The following RNF175 variants were observed in gnomAD, a reference collection of about 807,000 sequenced individuals.
RNF175 encodes the protein ring finger protein 175.
In RNF175, 38 loss-of-function variants were observed where a neutral mutation model predicts 50.0. The observed-to-expected ratio is 0.76, with a 90% CI of 0.59 to 1.00. The LOEUF (loss-of-function observed/expected upper bound fraction) is 1.00. Among genes scored for constraint, RNF175 ranks in the 50% least tolerant of loss-of-function variants. The pLI is 0.00. For synonymous variants in RNF175, 155 were observed against 146.1 expected, an observed-to-expected ratio of 1.06 and a Z score of -0.44; for missense variants, 388 against 409.6, an observed-to-expected ratio of 0.95 and a Z score of 0.46.
chr4:153,742,438 C>A (rs921645591), intron 3 of RNF175, among the ~76,000 whole-genome samples: 22 of 152,120 alleles, frequency 1.4e-4, no homozygotes, highest in African/African-American at 5.3e-4. Flanking sequence ...GAAAAGGATT[C>A]TTTTATTAGC....
chr4:153,728,088 A>G (rs1370476740), intron 4 of RNF175, 119 bp downstream of exon 4: 1 of 603,068 alleles, frequency 1.7e-6, no homozygotes, highest in Admixed American at 4.1e-5. Flanking sequence ...CCAAAGGTAA[A>G]AGACACGTAA....
chr4:153,745,113 T>C (rs1249999786), intron 3 of RNF175, among the ~76,000 whole-genome samples: 1 of 152,172 alleles, frequency 6.6e-6, no homozygotes, highest in Non-Finnish European at 1.5e-5. Flanking sequence ...CCCAGAACCA[T>C]GTAGTGTTAA....
In RNF175 at chr4:153,710,355, T is replaced by TG; in HGVS notation, c.*13dup. 1 of 1,544,856 alleles carries TG rather than the reference T, an allele frequency of 6.5e-7. No individual in the cohort carries two copies. The highest frequency in any genetic ancestry group is 8.8e-7 in the Non-Finnish European group (1 of 1,141,924). The stretch of plus-strand genomic sequence containing the variant: ...TTTCAACCATGCAGTATGTTGCTTC[T>TG]GGGGTCTGCTGTCCTATTCCAGCCC... On this transcript the variant is annotated 3_prime_UTR_variant, in exon 9 of 9. Coordinates refer to ENST00000347063, the MANE Select transcript of RNF175 (RefSeq NM_173662.4).
intron 1 of RNF175, among the ~76,000 whole-genome samples, chr4:153,758,903 G>A (rs909799763): frequency 6.6e-6 from 1 of 152,220 alleles, no homozygotes; most frequent in Admixed American, 6.5e-5. Flanking sequence ...CGGGTTGGAG[G>A]AGAAGGGGGT....
intron 4 of RNF175, chr4:153,727,813 A>T (rs1738793850): frequency 2.0e-5 from 3 of 153,136 alleles, no homozygotes; most frequent in Non-Finnish European, 2.9e-5. Flanking sequence ...GATTTATTAC[A>T]TGTTTTCAGG....
At chr4:153,740,918 C>G (rs1272116968) in intron 3 of RNF175, among the ~76,000 whole-genome samples, 3 of 152,190 alleles carry the variant, frequency 2.0e-5, no homozygotes. Flanking sequence ...TTGTAGGTGT[C>G]AAAGCCTTCA....
chr4:153,712,197 T>A (rs1170652819), intron 8 of RNF175, among the ~76,000 whole-genome samples: 1 of 152,216 alleles, frequency 6.6e-6, no homozygotes, highest in Non-Finnish European at 1.5e-5. Flanking sequence ...ATTTTACCTA[T>A]TTTTTGCAGT....
chr4:153,735,047 C>A (rs1047732179), intron 3 of RNF175, among the ~76,000 whole-genome samples: 4 of 152,092 alleles, frequency 2.6e-5, no homozygotes, highest in Admixed American at 2.6e-4. Context: ...TATATTTTCT[C>A]TCATGGATCA....
chr4:153,755,588 C>T, intron 1 of RNF175, among the ~76,000 whole-genome samples: 1 of 150,616 alleles, frequency 6.6e-6, no homozygotes, highest in Non-Finnish European at 1.5e-5. Flanking sequence ...AAAAAAACCT[C>T]AAAGACATGG....
intron 3 of RNF175, among the ~76,000 whole-genome samples, chr4:153,744,244 A>G (rs996332939): frequency 3.3e-5 from 5 of 152,170 alleles, no homozygotes; most frequent in Non-Finnish European, 5.9e-5. Flanking sequence ...CAACATGGTG[A>G]AACCCCATCT....
At chr4:153,741,190 A>T (rs1390699639) in intron 3 of RNF175, among the ~76,000 whole-genome samples, 1 of 152,214 alleles carries the variant, frequency 6.6e-6, no homozygotes, top group Non-Finnish European at 1.5e-5. Flanking sequence ...TAGGTGACAC[A>T]GGAAGGCTAG....
chr4:153,714,086 GT>G (rs1258590102), intron 7 of RNF175: 7 of 152,138 alleles, frequency 4.6e-5, no homozygotes, highest in Non-Finnish European at 7.3e-5. Flanking sequence ...AAATTTAAAG[GT>G]GACTACATTT....
intron 2 of RNF175, among the ~76,000 whole-genome samples, chr4:153,750,522 A>C (rs773623124): frequency 3.3e-5 from 5 of 152,244 alleles, no homozygotes; most frequent in Non-Finnish European, 5.9e-5. Context: ...CATAGATGGA[A>C]TGAATCTCCC....
intron 3 of RNF175, among the ~76,000 whole-genome samples, chr4:153,734,051 T>C (rs1186694390): frequency 6.6e-6 from 1 of 152,272 alleles, no homozygotes; most frequent in Non-Finnish European, 1.5e-5. Flanking sequence ...TTTCTTTTTA[T>C]TATTGAATAG....
At chr4:153,719,914 AT>A (rs1738224008) in intron 6 of RNF175, among the ~76,000 whole-genome samples, 1 of 152,228 alleles carries the variant, frequency 6.6e-6, no homozygotes, top group East Asian at 1.9e-4. Context: ...AACATAAATA[AT>A]TTGCGTATTT....
intron 3 of RNF175, among the ~76,000 whole-genome samples, chr4:153,742,563 T>C (rs952172443): frequency 6.6e-6 from 1 of 152,174 alleles, no homozygotes; most frequent in Non-Finnish European, 1.5e-5. Context: ...GATCAGCCAC[T>C]GTACTAGAAA....
rs2289318 is a variant in RNF175, at chr4:153,712,582, G to A, written c.765-6C>T. 6.3e-7 allele frequency: 1 copy of A among 1,596,196 alleles called. No individual in the cohort carries two copies. Among genetic ancestry groups the A allele is most frequent in the Admixed American group, 1.7e-5 (1 of 59,516 alleles). ...GGATGCAGAATTCATGAAAGCTGAA[G>A]CATCTTGTTAGGGAGGCTTCTAGAT... On this transcript the variant is annotated splice_polypyrimidine_tract_variant and splice_region_variant and intron_variant, in intron 7 of 8. Transcript: ENST00000347063.
At chr4:153,746,241 G>GC (rs1449369147) in intron 3 of RNF175, among the ~76,000 whole-genome samples, 1 of 152,234 alleles carries the variant, frequency 6.6e-6, no homozygotes, top group African/African-American at 2.4e-5. Context: ...CAGGCCCCAA[G>GC]CCAGTCTAAA....
At chr4:153,746,520 A>G (rs964116046) in intron 3 of RNF175, among the ~76,000 whole-genome samples, 7 of 150,412 alleles carry the variant, frequency 4.7e-5, no homozygotes, top group Non-Finnish European at 8.9e-5. Context: ...TAGCTCTCCT[A>G]GGCTGGAGTT....
Sources: gnomAD v4.1 joint callset for allele counts (sites outside exome capture counted in the v4.1 genomes callset) on GRCh38, gnomAD v4.1.1 for gene constraint, MANE v1.5 for transcripts, NCBI Gene and HGNC (gene_info 2026-07-23, HGNC 2026-07-21) for gene names.